The following C1orf226 variants were observed in gnomAD, a reference collection of about 807,000 sequenced individuals.
The protein encoded by C1orf226 is chromosome 1 open reading frame 226.
C1orf226 carries 4 observed loss-of-function variants against 10.5 expected under a neutral mutation model. The ratio of observed to expected loss-of-function variants is 0.38; its 90% confidence interval spans 0.19 to 0.87. The LOEUF is 0.87. Among genes scored for constraint, C1orf226 ranks in the 40% least tolerant of loss-of-function variants. The probability of loss-of-function intolerance (pLI) is 0.41; values close to 1 mark genes in which losing one functional copy is unlikely to be tolerated. For missense variants in C1orf226, 313 were observed against 336.2 expected (o/e 0.93, Z 0.54); for synonymous variants, 125 against 139.3 (o/e 0.90, Z 0.72).
rs1207342895 is a variant in C1orf226 at position 162,384,214 on chromosome 1, A to G, written c.*531A>G. ...ATGACAGGCCATGGCCTAGAAAGCC[A>G]CACACCCTGACCACAGCCCAGCCAT... On this transcript the variant is annotated 3_prime_UTR_variant, in exon 2 of 2. Coordinates refer to ENST00000458626, the MANE Select transcript of C1orf226 (RefSeq NM_001085375.2). 6.4e-6 allele frequency: 1 copy of G among 156,728 alleles called. No individual in the cohort carries two copies. The highest frequency in any genetic ancestry group is 1.4e-5 in the Non-Finnish European group (1 of 71,266). The allele number at this position is 156,728 out of a possible 1,614,324, so 9.7% of individuals were successfully genotyped here. A position where few individuals can be genotyped will look rare whatever the true frequency, so the allele number is the denominator to read the frequency against.
At chr1:162,379,623 A>G (rs1647846754), upstream of C1orf226, among the ~76,000 whole-genome samples, 2 of 152,232 alleles carry the variant, frequency 1.3e-5, no homozygotes, top group Non-Finnish European at 2.9e-5. Context: ...AGACTTAGAC[A>G]AGGGTAAAGG....
rs971691669 is a variant in C1orf226 at position 162,386,171 on chromosome 1, G to C, written c.*2488G>C. On this transcript the variant is annotated 3_prime_UTR_variant, in exon 2 of 2. Coordinates refer to ENST00000458626, the MANE Select transcript of C1orf226 (RefSeq NM_001085375.2). ...TGTCTGGTCTTAGATGCTGCACATAGTACCTGGTGCTAGGGTCTAGGGGCT... is the reference window on the plus strand; with the variant it reads ...TGTCTGGTCTTAGATGCTGCACATACTACCTGGTGCTAGGGTCTAGGGGCT... 2.2e-4 allele frequency: 33 copies of C among 152,294 alleles called. No individual in the cohort carries two copies. The highest frequency in any genetic ancestry group is 8.0e-4 in the African/African-American group (33 of 41,450). 9.4% of individuals were successfully genotyped at this position (152,294 alleles called of 1,614,324 possible).
chr1:162,385,154 G>A lies in C1orf226; in HGVS notation c.*1471G>A, dbSNP rs1197828879. On this transcript the variant is annotated 3_prime_UTR_variant, in exon 2 of 2. Coordinates refer to ENST00000458626, the MANE Select transcript of C1orf226 (RefSeq NM_001085375.2). ...CACGTCCGGCCAGGGCAGGCGGTGC[G>A]GCATCCTCCTCCTGGGATTCCTGTG... is the stretch of plus-strand genomic sequence containing the variant. The A allele has an allele frequency of 2.0e-5, 3 of 152,590 alleles. No individual in the cohort carries two copies. The highest frequency in any genetic ancestry group is 1.9e-4 in the East Asian group (1 of 5,196). The allele number at this position is 152,590 out of a possible 1,614,324, so 9.5% of individuals were successfully genotyped here. A position where few individuals can be genotyped will look rare whatever the true frequency, so the allele number is the denominator to read the frequency against.
chr1:162,381,465 A>T (rs889438356), upstream of C1orf226, among the ~76,000 whole-genome samples: 1 of 152,154 alleles, frequency 6.6e-6, no homozygotes, highest in African/African-American at 2.4e-5. Flanking sequence ...AGCCTCATCC[A>T]TGCCATCCCT....
chr1:162,384,151 G>A lies in C1orf226; in HGVS notation c.*468G>A, dbSNP rs960124662. On this transcript the variant is annotated 3_prime_UTR_variant, in exon 2 of 2. Coordinates refer to ENST00000458626, the MANE Select transcript of C1orf226 (RefSeq NM_001085375.2). ...TGGGTCCGATGCCCCTGGCCTCAGC[G>A]GGAGGAAGGCTGGATGAGGAATGAT... 21 of 162,728 alleles carry A rather than the reference G, an allele frequency of 1.3e-4. No homozygotes were observed. The highest frequency in any genetic ancestry group is 1.3e-3 in the South Asian group (7 of 5,478). 10.1% of individuals were successfully genotyped at this position (162,728 alleles called of 1,614,324 possible). A position where few individuals can be genotyped will look rare whatever the true frequency, so the allele number is the denominator to read the frequency against.
chr1:162,382,163 G>A lies in C1orf226; in HGVS notation c.262G>A (p.Ala88Thr). Reference protein sequence around the residue: ...GVTEINKTAGAQLASGTDAAP... With the variant: ...GVTEINKTAGTQLASGTDAAP... ...GACAGAGATCAACAAGACTGCAGGA[G>A]CACAGCTGGCCAGTGGGACTGACGC... Residue 88 changes from alanine to threonine, a missense_variant, in exon 1 of 2, where the codon GCA (alanine) becomes ACA (threonine). Physicochemically the swap from Ala to Thr is moderately conservative, Grantham distance 58 (BLOSUM62 0). Transcript: ENST00000458626. 1 of 1,589,468 alleles carries A rather than the reference G, an allele frequency of 6.3e-7. No homozygotes were observed.
chr1:162,383,294 G>C lies in C1orf226; in HGVS notation c.430G>C (p.Val144Leu), dbSNP rs1647983154. 5.6e-6 allele frequency: 9 copies of C among 1,613,454 alleles called. No individual in the cohort carries two copies. Among genetic ancestry groups the C allele is most frequent in the Non-Finnish European group, 7.6e-6 (9 of 1,179,674 alleles). The part of the protein sequence containing the change: ...TQDMLISSQP[V>L]LSSLEYGTEP... Reference sequence around the variant, plus strand: ...GGACATGCTGATTTCATCACAGCCTGTCCTCAGCAGTCTGGAGTATGGGAC... The same window carrying C: ...GGACATGCTGATTTCATCACAGCCTCTCCTCAGCAGTCTGGAGTATGGGAC... The change falls in exon 2 of 2, where the codon GTC becomes CTC. Residue 144 changes from valine (V) to leucine (L), a missense_variant. Val to Leu is a conservative substitution (Grantham distance 32, BLOSUM62 1). Transcript: ENST00000458626.
chr1:162,382,239 A>G, intron 1 of C1orf226, 21 bp downstream of exon 1: 1 of 1,548,570 alleles, frequency 6.5e-7, no homozygotes, highest in East Asian at 2.4e-5. Context: ...CACCCGCCCA[A>G]CATCCATGCC....
Position 162,383,421 on chromosome 1 carries a change from G to C in C1orf226, c.557G>C (p.Arg186Thr). 6.3e-7 allele frequency: 1 copy of C among 1,589,944 alleles called. No homozygotes were observed. ...GAGGCCACCATGGAAAGAGAAGAGA[G>C]AGGCAAAGTTCTGCCCAATGGAGAG... ...QPEATMEREE[R>T]GKVLPNGEVS... Residue 186 changes from arginine (R) to threonine (T), a missense_variant, in exon 2 of 2, where the codon AGA becomes ACA. Transcript: ENST00000458626.
upstream of C1orf226, among the ~76,000 whole-genome samples, chr1:162,381,534 A>G (rs894008068): frequency 3.3e-5 from 5 of 152,142 alleles, no homozygotes; most frequent in Admixed American, 2.6e-4. Flanking sequence ...TAAAAATGTC[A>G]TGTTTCATTG....
At chr1:162,382,334 G>C in intron 1 of C1orf226, 116 bp downstream of exon 1, 1 of 1,308,032 alleles carries the variant, frequency 7.6e-7, no homozygotes, top group East Asian at 2.6e-5. Flanking sequence ...GTGTGAGATT[G>C]TCCTGTACTG....
rs1426350171 is a variant in C1orf226 at position 162,384,874 on chromosome 1, C to T, written c.*1191C>T. On this transcript the variant is annotated 3_prime_UTR_variant, in exon 2 of 2. Coordinates refer to ENST00000458626, the MANE Select transcript of C1orf226 (RefSeq NM_001085375.2). ...GCGGCCCCGCCCTGCCCTTGCCTGC[C>T]TTTCTTTTATGCTGATGCTGGTGGG... 1 of 153,208 alleles carries T rather than the reference C, an allele frequency of 6.5e-6. No homozygotes were observed. The highest frequency in any genetic ancestry group is 1.5e-5 in the Non-Finnish European group (1 of 68,520). 9.5% of individuals were successfully genotyped at this position (153,208 alleles called of 1,614,324 possible). A position where few individuals can be genotyped will look rare whatever the true frequency, so the allele number is the denominator to read the frequency against.
upstream of C1orf226, among the ~76,000 whole-genome samples, chr1:162,380,150 G>T (rs1032805497): frequency 1.3e-5 from 2 of 152,238 alleles, no homozygotes; most frequent in African/African-American, 4.8e-5. Context: ...GACCCTGCTT[G>T]CTGTGGAGCG....
Position 162,383,645 on chromosome 1 carries a change from A to G in C1orf226, c.781A>G (p.Asn261Asp), listed in dbSNP as rs752544365. Residue 261 changes from asparagine (N) to aspartate (D), a missense_variant, in exon 2 of 2, where the codon AAT becomes GAT. Asn to Asp is a conservative substitution (Grantham distance 23). Transcript: ENST00000458626. ...TCAGGCACGGACCTCCAGCCTCGACAATGAGGGCCCTCACCCAGACCTGCT... is the reference window on the plus strand; with the variant it reads ...TCAGGCACGGACCTCCAGCCTCGACGATGAGGGCCCTCACCCAGACCTGCT... ...PPQARTSSLD[N>D]EGPHPDLLSF... 1.2e-6 allele frequency: 2 copies of G among 1,609,334 alleles called. No homozygotes were observed. The highest frequency in any genetic ancestry group is 4.5e-5 in the East Asian group (2 of 44,778).
chr1:162,381,605 G>A, upstream of C1orf226: 2 of 904,722 alleles, frequency 2.2e-6, no homozygotes, highest in South Asian at 2.3e-5. Context: ...AAGGGGCCAA[G>A]CCCATGAGTC....
At chr1:162,381,093 GTT>G (rs1647888894), upstream of C1orf226, among the ~76,000 whole-genome samples, 2 of 152,230 alleles carry the variant, frequency 1.3e-5, no homozygotes, top group Non-Finnish European at 2.9e-5. Context: ...TGAGCTGTGG[GTT>G]AGAAGGCCTG....
At chr1:162,380,537 G>A (rs1647872486), upstream of C1orf226, among the ~76,000 whole-genome samples, 1 of 152,232 alleles carries the variant, frequency 6.6e-6, no homozygotes, top group African/African-American at 2.4e-5. Context: ...AGTGAAAATA[G>A]ACACTTAGCA....
At chr1:162,381,166 C>T (rs903279341), upstream of C1orf226, among the ~76,000 whole-genome samples, 4 of 152,210 alleles carry the variant, frequency 2.6e-5, no homozygotes, top group Non-Finnish European at 5.9e-5. Flanking sequence ...CACTGCATTA[C>T]GCGGAGTCCT....
In C1orf226 at chr1:162,386,231, C is replaced by A; in HGVS notation, c.*2548C>A. 6.6e-6 allele frequency: 1 copy of A among 152,506 alleles called. No homozygotes were observed. The highest frequency in any genetic ancestry group is 1.5e-5 in the Non-Finnish European group (1 of 68,154). 9.4% of individuals were successfully genotyped at this position (152,506 alleles called of 1,614,324 possible). ...CCAGCAGGAACAGCTACTACTCATCCTGCAGAGGCCTTGGCCCAGACCAGC... is the reference window on the plus strand; with the variant it reads ...CCAGCAGGAACAGCTACTACTCATCATGCAGAGGCCTTGGCCCAGACCAGC... On this transcript the variant is annotated 3_prime_UTR_variant, in exon 2 of 2. Coordinates refer to ENST00000458626, the MANE Select transcript of C1orf226 (RefSeq NM_001085375.2).
Sources: gnomAD v4.1 joint callset for allele counts (sites outside exome capture counted in the v4.1 genomes callset) on GRCh38, gnomAD v4.1.1 for gene constraint, MANE v1.5 for transcripts, NCBI Gene and HGNC (gene_info 2026-07-23, HGNC 2026-07-21) for gene names.